The following FNTB variants were observed in gnomAD, a reference collection of about 807,000 sequenced individuals.
FNTB encodes the protein protein farnesyltransferase subunit beta.
In FNTB, 27 loss-of-function variants were observed where a neutral mutation model predicts 59.4. The ratio of observed to expected loss-of-function variants is 0.45; its 90% confidence interval spans 0.34 to 0.63. FNTB has a LOEUF of 0.63. Ranked by LOEUF, FNTB falls within the 20% of genes least tolerant of loss-of-function variation. The pLI, the probability that FNTB is intolerant of heterozygous loss-of-function variation, is 0.02. For missense variants in FNTB, 449 were observed against 559.6 expected (o/e 0.80, Z 1.99); for synonymous variants, 230 against 220.7 (o/e 1.04, Z -0.37).
chr14:65,016,817 A>T (rs2061781976), intron 4 of FNTB, among the ~76,000 whole-genome samples: 1 of 152,084 alleles, frequency 6.6e-6, no homozygotes. Flanking sequence ...TGTTTTGATC[A>T]TCGGGATGCC....
rs1202901706 is a variant in FNTB, at chr14:65,054,057, G to GA, written c.1068-510dup. Among the ~76,000 whole-genome samples, 7 of 151,874 alleles carry GA rather than the reference G, an allele frequency of 4.6e-5. No individual in the cohort carries two copies. The highest frequency in any genetic ancestry group is 2.1e-4 in the South Asian group (1 of 4,814). On this transcript the variant is annotated intron_variant, in intron 10 of 11. Coordinates refer to ENST00000246166, the MANE Select transcript of FNTB (RefSeq NM_002028.4). This position sits in a 1 kb window ranked among gnomAD's most constrained non-coding sequence, Gnocchi z 4.4. ...GTTTAAGGTAAAAAAAGAAAGAAAAGAAAAAAAATACAGTTCCCACTGCTG... is the reference window on the plus strand; with the variant it reads ...GTTTAAGGTAAAAAAAGAAAGAAAAGAAAAAAAAATACAGTTCCCACTGCTG...
chr14:65,049,381 C>A (rs1172329936), intron 9 of FNTB, among the ~76,000 whole-genome samples: 1 of 152,070 alleles, frequency 6.6e-6, no homozygotes, highest in Non-Finnish European at 1.5e-5. Flanking sequence ...ATAAAAGGAA[C>A]CTTTGAAATG....
chr14:64,992,658 G>A (rs1049023990), intron 1 of FNTB, among the ~76,000 whole-genome samples: 4 of 151,868 alleles, frequency 2.6e-5, no homozygotes, highest in African/African-American at 4.8e-5. Context: ...TCACTTTGTC[G>A]CCCAGGCTGG....
chr14:64,989,682 A>G (rs1031717452), intron 1 of FNTB, among the ~76,000 whole-genome samples: 3 of 152,330 alleles, frequency 2.0e-5, no homozygotes, highest in Admixed American at 1.3e-4. Context: ...CGTCTGTTCC[A>G]TTCGTTGATT....
chr14:65,017,578 G>A (rs1213317549), intron 4 of FNTB, among the ~76,000 whole-genome samples: 1 of 152,184 alleles, frequency 6.6e-6, no homozygotes, highest in Non-Finnish European at 1.5e-5. Context: ...TGTCACATAG[G>A]AAGAGAGGAG....
chr14:65,002,231 A>G (rs966222789), intron 1 of FNTB, among the ~76,000 whole-genome samples: 1 of 152,214 alleles, frequency 6.6e-6, no homozygotes, highest in Non-Finnish European at 1.5e-5. Context: ...ACGCTCCCTC[A>G]TTACTATACC....
rs2062052946 is a variant in FNTB, at chr14:65,030,208, C to A, written c.606-2402C>A. 6.6e-6 allele frequency among the ~76,000 whole-genome samples: 1 copy of A among 152,142 alleles called. No homozygotes were observed. The highest frequency in any genetic ancestry group is 6.6e-5 in the Admixed American group (1 of 15,266). ...AATGCATCTGAGCCTCTTTAAGAGG[C>A]CTACAATTGCAAGGAAATTAGACAG... On this transcript the variant is annotated intron_variant, in intron 6 of 11. Transcript: ENST00000246166. The surrounding 1 kb of genome is among the most constrained non-coding windows in gnomAD (Gnocchi z 4.5).
intron 1 of FNTB, among the ~76,000 whole-genome samples, chr14:64,999,220 T>G (rs1594989208): frequency 1.3e-5 from 2 of 152,330 alleles, no homozygotes; most frequent in Middle Eastern, 6.8e-3. Context: ...TATGGATCAC[T>G]TGAGGTCAGG....
intron 2 of FNTB, among the ~76,000 whole-genome samples, chr14:65,005,839 C>T (rs940102008): frequency 1.3e-5 from 2 of 152,076 alleles, no homozygotes; most frequent in African/African-American, 2.4e-5. Flanking sequence ...ATGGGGGTCT[C>T]ACTGTGTTGC....
rs141032369 is a variant in FNTB, at chr14:64,991,114, G to T, written c.144+4017G>T. On this transcript the variant is annotated intron_variant, in intron 1 of 11. Coordinates refer to ENST00000246166, the MANE Select transcript of FNTB (RefSeq NM_002028.4). The surrounding 1 kb of genome is among the most constrained non-coding windows in gnomAD (Gnocchi z 4.4). ...TTGCCAAAAACAGGTGTTTACAAAA[G>T]ATACTACTGTTTTTCTTTGAGTTTG... 6.6e-6 allele frequency among the ~76,000 whole-genome samples: 1 copy of T among 152,240 alleles called. No homozygotes were observed. Among genetic ancestry groups the T allele is most frequent in the African/African-American group, 2.4e-5 (1 of 41,532 alleles).
chr14:65,061,435 T>C lies in FNTB; in HGVS notation c.*123T>C. The C allele has an allele frequency of 2.8e-6, 4 of 1,433,244 alleles. No homozygotes were observed. Among genetic ancestry groups the C allele is most frequent in the Non-Finnish European group, 3.7e-6 (4 of 1,084,200 alleles). The allele number at this position is 1,433,244 out of a possible 1,614,324, so 88.8% of individuals were successfully genotyped here. On this transcript the variant is annotated 3_prime_UTR_variant, in exon 12 of 12. Transcript: ENST00000246166. The stretch of plus-strand genomic sequence containing the variant: ...TAGCCTCAGTGGAGCTGTGGTTCTC[T>C]TGGTACTTTCTTGTCAAACAAAACC...
chr14:65,051,326 T>C (rs1363871064), intron 9 of FNTB, among the ~76,000 whole-genome samples: 1 of 152,222 alleles, frequency 6.6e-6, no homozygotes, highest in Non-Finnish European at 1.5e-5. Context: ...TTCAACAATT[T>C]AGGCTGGGTG....
rs1471866271 is a variant in FNTB, at chr14:65,040,872, C to T, written c.775C>T (p.Leu259=). The T allele has an allele frequency of 1.2e-6, 2 of 1,614,020 alleles. No homozygotes were observed. The highest frequency in any genetic ancestry group is 1.7e-6 in the Non-Finnish European group (2 of 1,179,974). Residue 259 remains leucine (L), a synonymous_variant, in exon 8 of 12, where the codon CTG becomes TTG. Coordinates refer to ENST00000246166, the MANE Select transcript of FNTB (RefSeq NM_002028.4). ...GGYTFCGLAA[L]VILKRERSLN... The stretch of plus-strand genomic sequence containing the variant: ...CTATACCTTCTGTGGCCTGGCCGCG[C>T]TGGTAATCCTCAAGAGGGAACGTTC...
rs1417536484 is a variant in FNTB at position 65,032,411 on chromosome 14, C to G, written c.606-199C>G. ...AGAATGTCATGTTCTTTCACTGAAGCCATGCCGTGAGCAACTCTATCCAAA... is the reference window on the plus strand; with the variant it reads ...AGAATGTCATGTTCTTTCACTGAAGGCATGCCGTGAGCAACTCTATCCAAA... On this transcript the variant is annotated intron_variant, in intron 6 of 11. Transcript: ENST00000246166. The surrounding 1 kb of genome is among the most constrained non-coding windows in gnomAD (Gnocchi z 5.0). 3 of 480,136 alleles carry G rather than the reference C, an allele frequency of 6.2e-6. No individual in the cohort carries two copies. Among genetic ancestry groups the G allele is most frequent in the Non-Finnish European group, 1.1e-5 (3 of 273,224 alleles). The allele number at this position is 480,136 out of a possible 1,614,324, so 29.7% of individuals were successfully genotyped here.
chr14:65,004,389 G>A (rs1235802951), intron 2 of FNTB, 76 bp downstream of exon 2: 6 of 1,495,350 alleles, frequency 4.0e-6, no homozygotes, highest in Non-Finnish European at 4.6e-6. Flanking sequence ...TCCTCCTTGA[G>A]CGAATCTAAC....
At chr14:65,000,563 G>C (rs1041759159) in intron 1 of FNTB, among the ~76,000 whole-genome samples, 1 of 152,004 alleles carries the variant, frequency 6.6e-6, no homozygotes, top group African/African-American at 2.4e-5. Context: ...GCTCACGCCC[G>C]TAATCCCAGC....
intron 1 of FNTB, among the ~76,000 whole-genome samples, chr14:65,000,683 G>A (rs1268384250): frequency 6.6e-6 from 1 of 151,580 alleles, no homozygotes; most frequent in African/African-American, 2.4e-5. Flanking sequence ...AGCTGGGAGT[G>A]GTGGCACACT....
At chr14:65,018,809 T>TAAA (rs34066098) in intron 4 of FNTB, among the ~76,000 whole-genome samples, 3 of 108,422 alleles carry the variant, frequency 2.8e-5, no homozygotes, top group Non-Finnish European at 5.5e-5. Flanking sequence ...GACTCTGTCT[T>TAAA]AAAAAAAAAA....
intron 7 of FNTB, among the ~76,000 whole-genome samples, chr14:65,036,240 A>T (rs2062190046): frequency 6.6e-6 from 1 of 151,598 alleles, no homozygotes; most frequent in South Asian, 2.1e-4. Flanking sequence ...ATTTAATTTA[A>T]TTTATTTATT....
Sources: gnomAD v4.1 joint callset for allele counts (sites outside exome capture counted in the v4.1 genomes callset) on GRCh38, gnomAD v4.1.1 for gene constraint, Gnocchi (gnomAD v3.1) non-coding constraint, MANE v1.5 for transcripts, NCBI Gene and HGNC (gene_info 2026-07-23, HGNC 2026-07-21) for gene names.